Variants in CRYZL1 observed in about 807,000 individuals in gnomAD.
The protein encoded by CRYZL1 is crystallin zeta like 1.
CRYZL1 carries 34 observed loss-of-function variants against 50.6 expected under a neutral mutation model. The ratio of observed to expected loss-of-function variants is 0.67; its 90% confidence interval spans 0.51 to 0.89. CRYZL1 has a LOEUF of 0.89. CRYZL1 is among the 40% of genes least tolerant of loss of function. The probability of loss-of-function intolerance (pLI) is 0.00; values close to 1 mark genes in which losing one functional copy is unlikely to be tolerated. For synonymous variants in CRYZL1, 125 were observed against 134.3 expected (o/e 0.93, Z 0.48); for missense variants, 354 against 402.3 (o/e 0.88, Z 1.03).
chr21:33,599,743 T>C (rs1024312648), intron 8 of CRYZL1, among the ~76,000 whole-genome samples: 1 of 152,014 alleles, frequency 6.6e-6, no homozygotes, highest in African/African-American at 2.4e-5. Context: ...GCAATCCTCC[T>C]GCCCTAGCCT....
intron 4 of CRYZL1, chr21:33,617,249 CAA>C: frequency 6.5e-6 from 1 of 153,760 alleles, no homozygotes; most frequent in Non-Finnish European, 1.4e-5. Flanking sequence ...CTCCTGACCT[CAA>C]CTGATCCACC....
intron 1 of CRYZL1, among the ~76,000 whole-genome samples, chr21:33,635,480 A>T (rs1022148033): frequency 6.7e-6 from 1 of 149,962 alleles, no homozygotes; most frequent in African/African-American, 2.4e-5. Flanking sequence ...CCTCCGGAGT[A>T]GCTGGGACTA....
At position 33,603,425 on chromosome 21, in the gene CRYZL1, C is replaced by T; in HGVS notation, c.444G>A (p.Val148=). 1 of 1,614,106 alleles carries T rather than the reference C, an allele frequency of 6.2e-7. No homozygotes were observed. Among genetic ancestry groups the T allele is most frequent in the Non-Finnish European group, 8.5e-7 (1 of 1,180,014 alleles). ...CTACACTTGCTCCATCCATTATCAG[C>T]ACTGATTTTCCAGGAGAGAGATGAG... ...YLSHLSPGKS[V]LIMDGASAFG... The change falls in exon 7 of 13, where the codon GTG becomes GTA. Residue 148 remains valine, a synonymous_variant. Coordinates refer to ENST00000381554, the MANE Select transcript of CRYZL1 (RefSeq NM_145858.3).
chr21:33,590,118 A>G (rs1216236484), intron 12 of CRYZL1, among the ~76,000 whole-genome samples, 197 bp from the exon 13 acceptor site: 2 of 152,176 alleles, frequency 1.3e-5, no homozygotes, highest in East Asian at 1.9e-4. Context: ...CCCGGGTTCA[A>G]GCAATTCTCA....
intron 5 of CRYZL1, 120 bp from the exon 6 acceptor site, chr21:33,613,726 T>C: frequency 4.3e-6 from 3 of 692,474 alleles, no homozygotes; most frequent in Non-Finnish European, 7.7e-6. Flanking sequence ...TAATTACTAG[T>C]GTGGACAAGA....
At position 33,610,638 on chromosome 21, in the gene CRYZL1, T is replaced by C. The variant is rs559401996; in HGVS notation, c.331+2900A>G. Among the ~76,000 whole-genome samples the C allele has an allele frequency of 7.9e-5, 12 of 152,064 alleles. No individual in the cohort carries two copies. The South Asian group carries it at 2.5e-3, about 32-fold the overall frequency. On this transcript the variant is annotated intron_variant, in intron 6 of 12. Transcript: ENST00000381554. Reference sequence around the variant, plus strand: ...TAGCTTAAACTTTATAGCTAGAAAATGGATGCTCTAATTTGCTTTTCTCCT... The same window carrying C: ...TAGCTTAAACTTTATAGCTAGAAAACGGATGCTCTAATTTGCTTTTCTCCT...
intron 11 of CRYZL1, among the ~76,000 whole-genome samples, chr21:33,592,287 C>T (rs1025288703): frequency 5.6e-4 from 85 of 151,894 alleles, no homozygotes; most frequent in African/African-American, 1.8e-3. Flanking sequence ...AGCAATTCAC[C>T]GCCACACCAG....
intron 10 of CRYZL1, chr21:33,596,259 T>C (rs987360911): frequency 4.8e-6 from 2 of 416,116 alleles, no homozygotes; most frequent in Non-Finnish European, 9.7e-6. Context: ...TTTGAATAAT[T>C]AGGAAATTGT....
Position 33,631,678 on chromosome 21 carries a change from A to G in CRYZL1, c.-6-121T>C, listed in dbSNP as rs560302913. 346 of 523,850 alleles carry G rather than the reference A, an allele frequency of 6.6e-4. 4 individuals carry two copies. In the South Asian group the frequency reaches 0.017, roughly 25 times the overall value. 32.5% of individuals were successfully genotyped at this position (523,850 alleles called of 1,614,324 possible). A position where few individuals can be genotyped will look rare whatever the true frequency, so the allele number is the denominator to read the frequency against. On this transcript the variant is annotated intron_variant, in intron 1 of 12. Coordinates refer to ENST00000381554, the MANE Select transcript of CRYZL1 (RefSeq NM_145858.3). ...ACAACTACAAATGTAGTTTTCAAAT[A>G]AGTAAATTTAAAAAATCTTTCACAA... is the stretch of plus-strand genomic sequence containing the variant.
intron 8 of CRYZL1, among the ~76,000 whole-genome samples, chr21:33,600,507 G>C (rs1469215213): frequency 6.6e-6 from 1 of 152,024 alleles, no homozygotes; most frequent in African/African-American, 2.4e-5. Flanking sequence ...GAGTAATCTA[G>C]GACTTGGAGG....
intron 6 of CRYZL1, among the ~76,000 whole-genome samples, chr21:33,609,298 G>A (rs2145932291): frequency 6.6e-6 from 1 of 151,924 alleles, no homozygotes; most frequent in Non-Finnish European, 1.5e-5. Flanking sequence ...TGTTTCCTTT[G>A]CTGTGTAAGA....
At chr21:33,614,255 CAGG>C (rs1406642937) in intron 5 of CRYZL1, among the ~76,000 whole-genome samples, 1 of 151,610 alleles carries the variant, frequency 6.6e-6, no homozygotes, top group Non-Finnish European at 1.5e-5. Flanking sequence ...GAGGCCAAGG[CAGG>C]AGGATTGCTT....
At chr21:33,605,980 C>T (rs1196142963) in intron 6 of CRYZL1, among the ~76,000 whole-genome samples, 1 of 151,952 alleles carries the variant, frequency 6.6e-6, no homozygotes, top group East Asian at 1.9e-4. Flanking sequence ...ATCTAGTGGG[C>T]GAAGTGGAGC....
At chr21:33,639,695 T>A (rs1312641122) in intron 1 of CRYZL1, 1 of 152,340 alleles carries the variant, frequency 6.6e-6, no homozygotes, top group Non-Finnish European at 1.5e-5. Flanking sequence ...ATGAAAAATA[T>A]GAATTGTAAT....
intron 6 of CRYZL1, among the ~76,000 whole-genome samples, chr21:33,610,210 G>C (rs900508414): frequency 1.3e-5 from 2 of 151,984 alleles, no homozygotes; most frequent in South Asian, 2.1e-4. Context: ...CTGTTGCCCA[G>C]GCTGGAGTAC....
In CRYZL1 at chr21:33,613,538, C is replaced by T. The variant is rs775345150; in HGVS notation, c.331G>A (p.Val111Ile). The T allele has an allele frequency of 3.1e-6, 5 of 1,600,610 alleles. No homozygotes were observed. The highest frequency in any genetic ancestry group is 2.6e-6 in the Non-Finnish European group (3 of 1,168,080). ...TCCAAAGTACTGAATTGCTACATAC[C>T]CAAGTAATGCTCATGTACTCTAACA... ...EVVRVHEHYL[V>I]HKPEKVTWTE... The change falls in exon 6 of 13, where the codon GTT becomes ATT. Residue 111 changes from valine (V) to isoleucine (I), a missense_variant and splice_region_variant. Physicochemically the swap from Val to Ile is conservative, Grantham distance 29 (BLOSUM62 3). Coordinates refer to ENST00000381554, the MANE Select transcript of CRYZL1 (RefSeq NM_145858.3).
At chr21:33,597,038 T>A (rs2145919051) in intron 10 of CRYZL1, among the ~76,000 whole-genome samples, 1 of 151,386 alleles carries the variant, frequency 6.6e-6, no homozygotes, top group East Asian at 1.9e-4. Flanking sequence ...CCTGGCTAAT[T>A]TTTGTATTTT....
At chr21:33,620,247 G>A (rs2086978620) in intron 4 of CRYZL1, among the ~76,000 whole-genome samples, 2 of 152,126 alleles carry the variant, frequency 1.3e-5, no homozygotes, top group Admixed American at 6.5e-5. Flanking sequence ...CATTCGCATA[G>A]GAGGTAAAAG....
intron 3 of CRYZL1, among the ~76,000 whole-genome samples, chr21:33,624,416 G>C (rs2087036601): frequency 1.3e-5 from 2 of 152,136 alleles, no homozygotes; most frequent in Admixed American, 1.3e-4. Context: ...GGGTGTGGTG[G>C]TGCGCTCCTG....
Sources: allele counts gnomAD v4.1 joint callset (sites outside exome capture counted in the v4.1 genomes callset), GRCh38; gene constraint gnomAD v4.1.1; transcripts MANE v1.5; gene names NCBI Gene and HGNC (gene_info 2026-07-23, HGNC 2026-07-21).